The following KLHL29 variants were observed in gnomAD, a reference collection of about 807,000 sequenced individuals.
KLHL29 encodes kelch like family member 29.
In KLHL29, 21 loss-of-function variants were observed where a neutral mutation model predicts 80.4. That is an observed-to-expected ratio of 0.26 (90% CI 0.19 to 0.38). The LOEUF is 0.38. Among genes scored for constraint, KLHL29 ranks in the 10% least tolerant of loss-of-function variants. KLHL29 has a pLI of 1.00. For missense variants in KLHL29, 867 were observed against 1,223.9 expected (o/e 0.71, Z 4.35); for synonymous variants, 511 against 526.8 (o/e 0.97, Z 0.41).
intron 3 of KLHL29, among the ~76,000 whole-genome samples, chr2:23,563,291 A>G (rs1192404330): frequency 1.3e-5 from 2 of 152,162 alleles, no homozygotes; most frequent in Non-Finnish European, 2.9e-5. Context: ...GGCTGCTCGG[A>G]GCCCCTCAGG....
rs62125381 is a variant in KLHL29, at chr2:23,460,843, A to G, written c.-153-14717A>G. On this transcript the variant is annotated intron_variant, in intron 1 of 13. Transcript: ENST00000486442. ...TTCCCGTGAAGGGAGCATCGTGCAA[A>G]CTCAGGAGCTTCCCGTGAAGGGAGC... Among the ~76,000 whole-genome samples, 1,101 of 149,044 alleles carry G rather than the reference A, an allele frequency of 7.4e-3. 6 individuals are homozygous for G. Among genetic ancestry groups the G allele is most frequent in the Non-Finnish European group, 0.01 (688 of 67,314 alleles).
chr2:23,414,010 C>G (rs1226865677), intron 1 of KLHL29, among the ~76,000 whole-genome samples: 4 of 152,220 alleles, frequency 2.6e-5, no homozygotes. Flanking sequence ...CATGCCTGAG[C>G]TTCTTAGCCC....
rs538720402 is a variant in KLHL29 at position 23,559,098 on chromosome 2, G to C, written c.-45-3054G>C. 2.0e-5 allele frequency among the ~76,000 whole-genome samples: 3 copies of C among 152,342 alleles called. No individual in the cohort carries two copies. In the East Asian group the frequency reaches 5.8e-4, roughly 29 times the overall value. On this transcript the variant is annotated intron_variant, in intron 2 of 13. Transcript: ENST00000486442. The stretch of plus-strand genomic sequence containing the variant: ...AAGAATTGGTGCCTGAATTGGGTGG[G>C]TCATAGGCTGTAGCCGGGGGAGGGT...
At chr2:23,677,630 G>A (rs2149181877) in intron 5 of KLHL29, among the ~76,000 whole-genome samples, 1 of 152,308 alleles carries the variant, frequency 6.6e-6, no homozygotes, top group Non-Finnish European at 1.5e-5. Flanking sequence ...AAGAAGTAGG[G>A]GAAGAAATGC....
chr2:23,570,546 G>A lies in KLHL29; in HGVS notation c.285+8065G>A, dbSNP rs190709473. Among the ~76,000 whole-genome samples, 35 of 152,330 alleles carry A rather than the reference G, an allele frequency of 2.3e-4. 1 individual carries two copies. The highest frequency in any genetic ancestry group is 7.9e-4 in the African/African-American group (33 of 41,570). On this transcript the variant is annotated intron_variant, in intron 3 of 13. Transcript: ENST00000486442. ...CTCCTGCCTTCCTTTGCCCTTAGAG[G>A]GCCACACAGTTTCCCCTTGGCCCCC...
At chr2:23,634,262 G>A in intron 3 of KLHL29, among the ~76,000 whole-genome samples, 1 of 152,198 alleles carries the variant, frequency 6.6e-6, no homozygotes, top group African/African-American at 2.4e-5. Flanking sequence ...AGTTTCCTTG[G>A]CAGGAGAGGG....
At position 23,707,632 on chromosome 2, in the gene KLHL29, G is replaced by C. The variant is rs142747711; in HGVS notation, c.*968G>C. The stretch of plus-strand genomic sequence containing the variant: ...GAAGAGTCTGCTCTAGAAGGAGCCC[G>C]GTTCTGGCTCAGGACACCGGCCCAG... On this transcript the variant is annotated 3_prime_UTR_variant, in exon 14 of 14. Transcript: ENST00000486442. The C allele has an allele frequency of 6.6e-6, 1 of 152,150 alleles. No individual in the cohort carries two copies. Among genetic ancestry groups the C allele is most frequent in the Non-Finnish European group, 1.5e-5 (1 of 68,042 alleles). The allele number at this position is 152,150 out of a possible 1,614,324, so 9.4% of individuals were successfully genotyped here.
chr2:23,659,490 T>C (rs1186766564), intron 5 of KLHL29, among the ~76,000 whole-genome samples: 1 of 152,134 alleles, frequency 6.6e-6, no homozygotes, highest in African/African-American at 2.4e-5. Context: ...CTCAACCTCA[T>C]CTTCACTTCC....
intron 3 of KLHL29, among the ~76,000 whole-genome samples, chr2:23,583,543 ACT>A (rs1355504938): frequency 6.6e-6 from 1 of 152,006 alleles, no homozygotes; most frequent in Non-Finnish European, 1.5e-5. Context: ...AAGCTCTAGT[ACT>A]CCCATGTCCC....
At chr2:23,440,418 G>T (rs1663482177) in intron 1 of KLHL29, among the ~76,000 whole-genome samples, 1 of 151,930 alleles carries the variant, frequency 6.6e-6, no homozygotes, top group Non-Finnish European at 1.5e-5. Flanking sequence ...ATAGGCATGG[G>T]CAAGGACTTC....
At chr2:23,519,039 A>T (rs1351127130) in intron 2 of KLHL29, among the ~76,000 whole-genome samples, 1 of 152,098 alleles carries the variant, frequency 6.6e-6, no homozygotes, top group African/African-American at 2.4e-5. Context: ...GCATGTGGAG[A>T]GCCCACTTCT....
At chr2:23,461,975 C>CTT (rs1164075132) in intron 1 of KLHL29, among the ~76,000 whole-genome samples, 36 of 79,550 alleles carry the variant, frequency 4.5e-4, no homozygotes, top group African/African-American at 1.4e-3. Flanking sequence ...CGGTTTTTGC[C>CTT]ATTTTTTTTT....
intron 3 of KLHL29, among the ~76,000 whole-genome samples, chr2:23,594,310 C>T (rs761957709): frequency 6.6e-5 from 10 of 152,122 alleles, no homozygotes; most frequent in Non-Finnish European, 1.0e-4. Flanking sequence ...AACCAATTCG[C>T]GTTTTCCTGA....
At chr2:23,463,320 T>TAATA (rs1664266728) in intron 1 of KLHL29, among the ~76,000 whole-genome samples, 2 of 152,142 alleles carry the variant, frequency 1.3e-5, no homozygotes, top group African/African-American at 4.8e-5. Flanking sequence ...AGTCTGTTTA[T>TAATA]AATAACATAC....
intron 2 of KLHL29, among the ~76,000 whole-genome samples, chr2:23,547,615 A>G (rs1667010331): frequency 6.6e-6 from 1 of 152,164 alleles, no homozygotes; most frequent in African/African-American, 2.4e-5. Flanking sequence ...TAGTTGTGAC[A>G]GCAGCAGTAG....
chr2:23,693,200 C>T lies in KLHL29; in HGVS notation c.1283-69C>T, dbSNP rs966508982. 7.3e-5 allele frequency: 109 copies of T among 1,486,134 alleles called. No individual in the cohort carries two copies. In the East Asian group the frequency reaches 2.6e-3, roughly 35 times the overall value. The allele number at this position is 1,486,134 out of a possible 1,614,324, so 92.1% of individuals were successfully genotyped here. ...GGGTTCAGAGAAGGATCTAGGGTGA[C>T]AGCAATGGGAACAGGTGGCAACTGC... On this transcript the variant is annotated intron_variant, in intron 7 of 13. Coordinates refer to ENST00000486442, the MANE Select transcript of KLHL29 (RefSeq NM_052920.2).
chr2:23,432,819 G>A (rs2103409306), intron 1 of KLHL29, among the ~76,000 whole-genome samples: 1 of 152,354 alleles, frequency 6.6e-6, no homozygotes, highest in Middle Eastern at 3.4e-3. Flanking sequence ...CTAAGAAGAA[G>A]TTGAAGTTGG....
chr2:23,451,841 T>A (rs919915909), intron 1 of KLHL29, among the ~76,000 whole-genome samples: 7 of 152,166 alleles, frequency 4.6e-5, no homozygotes, highest in African/African-American at 1.7e-4. Flanking sequence ...CTGGGTAGTT[T>A]ATAAAGAAAG....
intron 3 of KLHL29, among the ~76,000 whole-genome samples, chr2:23,587,088 T>C (rs1267577068): frequency 1.6e-4 from 25 of 152,164 alleles, no homozygotes; most frequent in Admixed American, 1.6e-3. Flanking sequence ...AGGCCTTTCA[T>C]GTCGCTCCTT....
Sources: allele counts gnomAD v4.1 joint callset (sites outside exome capture counted in the v4.1 genomes callset), GRCh38; gene constraint gnomAD v4.1.1; transcripts MANE v1.5; gene names NCBI Gene and HGNC (gene_info 2026-07-23, HGNC 2026-07-21).